MCF2L: variants seen among roughly 807,000 people sequenced by gnomAD.
MCF2L encodes guanine nucleotide exchange factor DBS.
A neutral mutation model predicts 153.4 loss-of-function variants in MCF2L; 97 were observed. The ratio of observed to expected loss-of-function variants is 0.63; its 90% CI spans 0.54 to 0.75. The LOEUF is 0.75. Among genes scored for constraint, MCF2L ranks in the 30% least tolerant of loss-of-function variants. MCF2L has a pLI of 0.00. For missense variants in MCF2L, 1,347 were observed against 1,495.2 expected, an observed-to-expected ratio of 0.90 and a Z score of 1.64; for synonymous variants, 659 against 632.2, an observed-to-expected ratio of 1.04 and a Z score of -0.64.
chr13:113,092,866 G>A (rs2035335827), intron 26 of MCF2L, among the ~76,000 whole-genome samples: 1 of 152,254 alleles, frequency 6.6e-6, no homozygotes, highest in Admixed American at 6.5e-5. Flanking sequence ...CCACGGCCAG[G>A]GCAGCTCAAG....
In MCF2L at chr13:113,084,880, C is replaced by A. The variant is rs1335363397; in HGVS notation, c.2062-12C>A. ...CCTCACTGCGTGATGCGGTGCCTGT[C>A]CCTCGGTGCAGATGGAAGATTTCCA... On this transcript the variant is annotated splice_polypyrimidine_tract_variant and intron_variant, in intron 18 of 29. Coordinates refer to ENST00000535094, the MANE Select transcript of MCF2L (RefSeq NM_001112732.3). The A allele has an allele frequency of 2.9e-5, 46 of 1,605,778 alleles. No individual in the cohort carries two copies. Among genetic ancestry groups the A allele is most frequent in the Non-Finnish European group, 3.9e-5 (46 of 1,172,906 alleles).
intron 7 of MCF2L, 21 bp downstream of exon 7, chr13:113,065,106 C>T: frequency 1.3e-6 from 2 of 1,591,500 alleles, no homozygotes. Flanking sequence ...GGTGCTCCGG[C>T]TGGAAGCTGT....
At chr13:113,058,832 T>C (rs2030823462) in intron 4 of MCF2L, among the ~76,000 whole-genome samples, 3 of 150,716 alleles carry the variant, frequency 2.0e-5, no homozygotes, top group Admixed American at 1.3e-4. Flanking sequence ...GTTTGGGCGC[T>C]GAGTGTTTGG....
intron 2 of MCF2L, among the ~76,000 whole-genome samples, chr13:112,916,957 C>T (rs113974163): frequency 0.016 from 2,417 of 152,252 alleles, 56 homozygotes; most frequent in African/African-American, 0.05. Context: ...GTCCTGCACG[C>T]TCTCCCCACA....
In MCF2L at chr13:113,054,797, A is replaced by G. The variant is rs1312446373; in HGVS notation, c.370-5796A>G. On this transcript the variant is annotated intron_variant, in intron 4 of 29. Coordinates refer to ENST00000535094, the MANE Select transcript of MCF2L (RefSeq NM_001112732.3). This position sits in a 1 kb window ranked among gnomAD's most constrained non-coding sequence, Gnocchi z 5.2. ...AAATACATGCAGCGATTGTTTTCTG[A>G]GTCTCTAAGAATATTAACTCAGAAA... is the stretch of plus-strand genomic sequence containing the variant. The G allele has an allele frequency of 6.6e-6, 1 of 152,192 alleles. No individual in the cohort carries two copies. The highest frequency in any genetic ancestry group is 1.5e-5 in the Non-Finnish European group (1 of 68,046). 9.4% of individuals were successfully genotyped at this position (152,192 alleles called of 1,614,324 possible).
Position 112,992,729 on chromosome 13 carries a change from T to C in MCF2L, c.80-22034T>C, listed in dbSNP as rs1037173391. On this transcript the variant is annotated intron_variant, in intron 1 of 29. Transcript: ENST00000535094. ...AGGTGGAACTTGGCACTTACGTAAC[T>C]TACCCTTCTCCCCTTGGTGTTTCGT... Among the ~76,000 whole-genome samples the C allele has an allele frequency of 2.3e-4, 35 of 152,214 alleles. 2 individuals carry two copies.
chr13:112,994,112 G>A (rs1237723969), intron 1 of MCF2L, among the ~76,000 whole-genome samples: 2 of 152,150 alleles, frequency 1.3e-5, no homozygotes, highest in African/African-American at 2.4e-5. Context: ...CCAAGCTGAC[G>A]TCACTGTCTG....
chr13:113,046,228 C>T lies in MCF2L; in HGVS notation c.369+867C>T, dbSNP rs150436402. On this transcript the variant is annotated intron_variant, in intron 4 of 29. Transcript: ENST00000535094. This position sits in a 1 kb window ranked among gnomAD's most constrained non-coding sequence, Gnocchi z 4.4. ...CCCACGCTCGCTCTCCCCGCCTGTCCGTCCAAATTTCATTGCTGCCAAAGG... is the reference window on the plus strand; with the variant it reads ...CCCACGCTCGCTCTCCCCGCCTGTCTGTCCAAATTTCATTGCTGCCAAAGG... The T allele has an allele frequency of 2.7e-5, 6 of 223,318 alleles. No individual in the cohort carries two copies. Among genetic ancestry groups the T allele is most frequent in the African/African-American group, 9.3e-5 (4 of 42,920 alleles). 13.8% of individuals were successfully genotyped at this position (223,318 alleles called of 1,614,324 possible).
intron 9 of MCF2L, among the ~76,000 whole-genome samples, chr13:113,071,794 T>A (rs1566841336): frequency 6.6e-6 from 1 of 152,252 alleles, no homozygotes; most frequent in Non-Finnish European, 1.5e-5. Flanking sequence ...TGAAATCAAG[T>A]ACACTCATTC....
At chr13:113,094,923 G>A (rs1315283009) in intron 27 of MCF2L, 1 of 1,344,072 alleles carries the variant, frequency 7.4e-7, no homozygotes, top group African/African-American at 1.5e-5. Flanking sequence ...GCTCCTCCTA[G>A]CTCCTCTGTC....
intron 1 of MCF2L, chr13:112,979,803 C>A (rs906924718): frequency 6.4e-7 from 1 of 1,566,938 alleles, no homozygotes; most frequent in Non-Finnish European, 8.7e-7. Flanking sequence ...GGTGCTGTGT[C>A]CCCTCTGCAG....
intron 1 of MCF2L, among the ~76,000 whole-genome samples, chr13:112,976,885 C>T (rs867779313): frequency 2.0e-5 from 3 of 152,182 alleles, no homozygotes; most frequent in Non-Finnish European, 2.9e-5. Flanking sequence ...GTCGCCCAGT[C>T]GGACAGTGCG....
rs954814112 is a variant in MCF2L at position 112,993,529 on chromosome 13, C to T, written c.80-21234C>T. 5.9e-5 allele frequency among the ~76,000 whole-genome samples: 9 copies of T among 151,944 alleles called. No homozygotes were observed. The highest frequency in any genetic ancestry group is 2.2e-4 in the African/African-American group (9 of 41,356). ...GTCGTTCAGGCGTGGGATGAGGCTC[C>T]AGGATCGCAGCCACAGAAGTGGCAG... is the stretch of plus-strand genomic sequence containing the variant. On this transcript the variant is annotated intron_variant, in intron 1 of 29. Transcript: ENST00000535094. The surrounding 1 kb of genome is among the most constrained non-coding windows in gnomAD (Gnocchi z 4.6).
chr13:112,923,357 G>A (rs2081372652), intron 2 of MCF2L, among the ~76,000 whole-genome samples: 1 of 147,876 alleles, frequency 6.8e-6, no homozygotes, highest in African/African-American at 2.5e-5. Flanking sequence ...TCCGCCTCCT[G>A]GGTTGACGCC....
At chr13:112,919,212 T>TC (rs2081328134) in intron 2 of MCF2L, among the ~76,000 whole-genome samples, 1 of 148,638 alleles carries the variant, frequency 6.7e-6, no homozygotes, top group Admixed American at 6.7e-5. Flanking sequence ...TGCATTTTTT[T>TC]TTTTTTTTTT....
chr13:112,969,205 C>G (rs1295734136), upstream of MCF2L: 2 of 1,116,708 alleles, frequency 1.8e-6, no homozygotes, highest in Non-Finnish European at 2.2e-6. The surrounding 1 kb of genome is among the most constrained non-coding windows in gnomAD (Gnocchi z 4.8). Flanking sequence ...GCGCCCCCCT[C>G]CCGGTGGCGC....
intron 2 of MCF2L, among the ~76,000 whole-genome samples, chr13:112,954,883 G>A (rs1055085213): frequency 6.6e-6 from 1 of 152,232 alleles, no homozygotes; most frequent in Non-Finnish European, 1.5e-5. Flanking sequence ...CAGCACCTGG[G>A]GGGCCTGTGG....
intron 9 of MCF2L, among the ~76,000 whole-genome samples, chr13:113,073,065 T>G (rs1439933524): frequency 6.6e-6 from 1 of 151,064 alleles, no homozygotes; most frequent in Non-Finnish European, 1.5e-5. Flanking sequence ...CCTTGGAACT[T>G]CCTCTTTGAC....
At position 113,097,160 on chromosome 13, in the gene MCF2L, C is replaced by T. The variant is rs1009152267; in HGVS notation, c.*301C>T. 22 of 290,366 alleles carry T rather than the reference C, an allele frequency of 7.6e-5. No individual in the cohort carries two copies. Among genetic ancestry groups the T allele is most frequent in the Non-Finnish European group, 1.2e-4 (19 of 157,098 alleles). 18.0% of individuals were successfully genotyped at this position (290,366 alleles called of 1,614,324 possible). A position where few individuals can be genotyped will look rare whatever the true frequency, so the allele number is the denominator to read the frequency against. ...CCACCGTGCTGCTTCTGCCTCTGGA[C>T]GGTGCTTTCAGGGGACGCGCGGACC... On this transcript the variant is annotated 3_prime_UTR_variant, in exon 30 of 30. Transcript: ENST00000535094.
Sources: allele counts gnomAD v4.1 joint callset (sites outside exome capture counted in the v4.1 genomes callset), GRCh38; gene constraint gnomAD v4.1.1; non-coding constraint Gnocchi (gnomAD v3.1); transcripts MANE v1.5; gene names NCBI Gene and HGNC (gene_info 2026-07-23, HGNC 2026-07-21).